Variants in RNF138 observed in about 807,000 individuals in gnomAD.
The protein encoded by RNF138 is E3 ubiquitin-protein ligase RNF138.
A neutral mutation model predicts 31.0 loss-of-function variants in RNF138; 12 were observed. The ratio of observed to expected loss-of-function variants is 0.39; its 90% confidence interval spans 0.25 to 0.63. The LOEUF is 0.63. Among genes scored for constraint, RNF138 ranks in the 20% least tolerant of loss-of-function variants. The pLI is 0.52. For synonymous variants in RNF138, 105 were observed against 99.5 expected, an observed-to-expected ratio of 1.06 and a Z score of -0.33; for missense variants, 192 against 300.1, an observed-to-expected ratio of 0.64 and a Z score of 2.66.
intron 4 of RNF138, 23 bp from the exon 5 acceptor site, chr18:32,123,495 C>T (rs763307569): frequency 3.3e-6 from 5 of 1,516,602 alleles, no homozygotes; most frequent in Non-Finnish European, 4.5e-6. Flanking sequence ...GAGGTATTAA[C>T]TTTTTCCCCT....
intron 2 of RNF138, among the ~76,000 whole-genome samples, chr18:32,100,290 ATTATT>A (rs2039905534): frequency 6.6e-6 from 1 of 150,984 alleles, no homozygotes; most frequent in African/African-American, 2.4e-5. Flanking sequence ...CCTCTATTTT[ATTATT>A]TTATATATAT....
Position 32,111,857 on chromosome 18 carries a change from G to T in RNF138, c.214G>T (p.Ala72Ser), listed in dbSNP as rs1402590553. The T allele has an allele frequency of 6.2e-7, 1 of 1,613,812 alleles. No homozygotes were observed. The highest frequency in any genetic ancestry group is 8.5e-7 in the Non-Finnish European group (1 of 1,179,872). Residue 72 changes from alanine (A) to serine (S), a missense_variant, in exon 3 of 8, where the codon GCC becomes TCC. Physicochemically the swap from Ala to Ser is moderately conservative, Grantham distance 99. This residue lies in a region of RNF138 where 140 missense variants were observed against 251.7 expected (regional missense o/e 0.56). Coordinates refer to ENST00000261593, the MANE Select transcript of RNF138 (RefSeq NM_016271.5). ...AAGAGAGAGAGCATGTCCTGAACGG[G>T]CCTTAGACCTTGAAAATATAATGAG... is the stretch of plus-strand genomic sequence containing the variant. ...TRRERACPER[A>S]LDLENIMRKF...
intron 2 of RNF138, among the ~76,000 whole-genome samples, chr18:32,097,973 T>A (rs2039844567): frequency 2.5e-5 from 1 of 40,218 alleles, no homozygotes; most frequent in Non-Finnish European, 5.4e-5. Context: ...TGTGTGTGTG[T>A]GTGTTATTTT....
At position 32,091,980 on chromosome 18, in the gene RNF138, G is replaced by C. The variant is rs1598838531; in HGVS notation, c.-333G>C. 6.6e-6 allele frequency: 1 copy of C among 152,248 alleles called. No homozygotes were observed. The highest frequency in any genetic ancestry group is 2.1e-4 in the East Asian group (1 of 4,760). 9.4% of individuals were successfully genotyped at this position (152,248 alleles called of 1,614,324 possible). A position where few individuals can be genotyped will look rare whatever the true frequency, so the allele number is the denominator to read the frequency against. The stretch of plus-strand genomic sequence containing the variant: ...GCGCTCCCGCGTTCGGTGACGGCCG[G>C]GTAGGCTGTAGGCAGCGCAATGCCA... On this transcript the variant is annotated 5_prime_UTR_variant, in exon 1 of 8. Coordinates refer to ENST00000261593, the MANE Select transcript of RNF138 (RefSeq NM_016271.5).
chr18:32,103,037 T>TAC (rs2039969970), intron 2 of RNF138, among the ~76,000 whole-genome samples: 1 of 152,242 alleles, frequency 6.6e-6, no homozygotes, highest in African/African-American at 2.4e-5. Context: ...CCTATATATA[T>TAC]ACATGTGTGT....
At chr18:32,108,622 C>T (rs1331260148) in intron 2 of RNF138, among the ~76,000 whole-genome samples, 1 of 152,022 alleles carries the variant, frequency 6.6e-6, no homozygotes, top group Non-Finnish European at 1.5e-5. Context: ...AATAGTGTGG[C>T]TATGAACTTT....
In RNF138 at chr18:32,130,978, TTTAATACATCCAATA is replaced by T. The variant is rs1288616156; in HGVS notation, c.*1793_*1807del. On this transcript the variant is annotated 3_prime_UTR_variant, in exon 8 of 8. Transcript: ENST00000261593. ...ATAACTTTCATAGTTTCTTTCAAAGTTTAATACATCCAATATGTCAAGTTAAACCATTCTGGGATT... is the reference window on the plus strand; with the variant it reads ...ATAACTTTCATAGTTTCTTTCAAAGTTGTCAAGTTAAACCATTCTGGGATT... The T allele has an allele frequency of 1.1e-5, 1 of 91,014 alleles. No homozygotes were observed. The highest frequency in any genetic ancestry group is 2.4e-5 in the Non-Finnish European group (1 of 42,310). 5.6% of individuals were successfully genotyped at this position (91,014 alleles called of 1,614,324 possible).
Position 32,129,383 on chromosome 18 carries a change from ATTAGCT to A in RNF138, c.*200_*205del. 2 of 496,802 alleles carry A rather than the reference ATTAGCT, an allele frequency of 4.0e-6. No homozygotes were observed. Among genetic ancestry groups the A allele is most frequent in the Admixed American group, 3.3e-5 (1 of 29,926 alleles). 30.8% of individuals were successfully genotyped at this position (496,802 alleles called of 1,614,324 possible). ...TAAGTTAAAAAATGAAAGTTATGAC[ATTAGCT>A]TTAAAGGTGTAAAAAAGATGTTTCA... On this transcript the variant is annotated 3_prime_UTR_variant, in exon 8 of 8. Coordinates refer to ENST00000261593, the MANE Select transcript of RNF138 (RefSeq NM_016271.5).
At chr18:32,100,438 C>T (rs1250164922) in intron 2 of RNF138, among the ~76,000 whole-genome samples, 1 of 147,438 alleles carries the variant, frequency 6.8e-6, no homozygotes, top group African/African-American at 2.5e-5. Context: ...GCTGGGACTA[C>T]AGGCATGTGC....
intron 2 of RNF138, 33 bp downstream of exon 2, chr18:32,092,919 G>C (rs769582697): frequency 9.6e-5 from 128 of 1,338,560 alleles, no homozygotes; most frequent in Non-Finnish European, 1.3e-4. Context: ...TCGCGGAGCC[G>C]GGTTGTCGCT....
chr18:32,108,929 A>G (rs748776635), intron 2 of RNF138, among the ~76,000 whole-genome samples: 1 of 151,902 alleles, frequency 6.6e-6, no homozygotes, highest in African/African-American at 2.4e-5. Flanking sequence ...TGGCCTCCCA[A>G]AGTGCTGGGA....
At chr18:32,096,367 CAG>C (rs942022740) in intron 2 of RNF138, among the ~76,000 whole-genome samples, 1 of 152,066 alleles carries the variant, frequency 6.6e-6, no homozygotes, top group Non-Finnish European at 1.5e-5. Context: ...AGGAATGGAG[CAG>C]AGAGACTCCT....
Position 32,092,582 on chromosome 18 carries a change from C to T in RNF138, c.-77-118C>T, listed in dbSNP as rs182147142. 1.3e-3 allele frequency: 765 copies of T among 578,906 alleles called. 3 individuals are homozygous for T. Among genetic ancestry groups the T allele is most frequent in the Middle Eastern group, 6.3e-3 (14 of 2,240 alleles). 35.9% of individuals were successfully genotyped at this position (578,906 alleles called of 1,614,324 possible). A position where few individuals can be genotyped will look rare whatever the true frequency, so the allele number is the denominator to read the frequency against. The stretch of plus-strand genomic sequence containing the variant: ...AGCCGTGGGAGGGGTCGCCTCTTGC[C>T]CGGCGCGTGCGGCAGTAGCGTCTCT... On this transcript the variant is annotated intron_variant, in intron 1 of 7. Coordinates refer to ENST00000261593, the MANE Select transcript of RNF138 (RefSeq NM_016271.5).
chr18:32,117,979 T>C (rs1057371640), intron 4 of RNF138, among the ~76,000 whole-genome samples: 1 of 152,210 alleles, frequency 6.6e-6, no homozygotes, highest in Non-Finnish European at 1.5e-5. Context: ...GGAAATCATT[T>C]GGTCTGTTTT....
At chr18:32,094,559 T>C (rs76132324) in intron 2 of RNF138, among the ~76,000 whole-genome samples, 239 of 152,228 alleles carry the variant, frequency 1.6e-3, no homozygotes, top group African/African-American at 5.5e-3. Flanking sequence ...GTGTGAGATA[T>C]GCCATCCTCA....
intron 4 of RNF138, among the ~76,000 whole-genome samples, chr18:32,117,505 G>GAA (rs200397562): frequency 6.6e-6 from 1 of 151,074 alleles, no homozygotes; most frequent in African/African-American, 2.4e-5. Flanking sequence ...CAACTGAGTA[G>GAA]AAAAAAAAAT....
chr18:32,101,779 AT>A (rs1244790838), intron 2 of RNF138, among the ~76,000 whole-genome samples: 4 of 152,144 alleles, frequency 2.6e-5, no homozygotes, highest in Non-Finnish European at 5.9e-5. Flanking sequence ...TTTTTTAAGC[AT>A]TTTTATGCTA....
At chr18:32,096,018 G>T (rs150937871) in intron 2 of RNF138, among the ~76,000 whole-genome samples, 9 of 152,294 alleles carry the variant, frequency 5.9e-5, no homozygotes, top group Middle Eastern at 3.4e-3. Flanking sequence ...AGTCAAGGAG[G>T]GTACAGAGGA....
At chr18:32,113,209 G>GATT (rs1323171830) in intron 3 of RNF138, among the ~76,000 whole-genome samples, 1 of 151,978 alleles carries the variant, frequency 6.6e-6, no homozygotes, top group African/African-American at 2.4e-5. Context: ...AGGTAGCTGA[G>GATT]ATTACACCTG....
Sources: gnomAD v4.1 joint callset for allele counts (sites outside exome capture counted in the v4.1 genomes callset) on GRCh38, gnomAD v4.1.1 for gene constraint, gnomAD v4.1.1 regional missense constraint, MANE v1.5 for transcripts, NCBI Gene and HGNC (gene_info 2026-07-23, HGNC 2026-07-21) for gene names.